Variants in GGACT observed in about 807,000 individuals in gnomAD.
GGACT encodes gamma-glutamylamine cyclotransferase.
For missense variants in GGACT, 241 were observed against 233.2 expected (o/e 1.03, Z -0.22); for synonymous variants, 118 against 115.3 (o/e 1.02, Z -0.15).
At chr13:100,586,822 G>C (rs1875592075) in intron 1 of GGACT, 1 of 152,238 alleles carries the variant, frequency 6.6e-6, no homozygotes, top group Admixed American at 6.5e-5. Context: ...TCCATTTAAG[G>C]GGGTATCACG....
At chr13:100,567,354 T>C (rs1169011177) in intron 2 of GGACT, among the ~76,000 whole-genome samples, 1 of 152,252 alleles carries the variant, frequency 6.6e-6, no homozygotes, top group East Asian at 1.9e-4. Flanking sequence ...TCATTATTTC[T>C]TTTGATGCTT....
intron 2 of GGACT, among the ~76,000 whole-genome samples, chr13:100,540,719 GTC>G (rs2088544824): frequency 6.6e-6 from 1 of 151,972 alleles, no homozygotes; most frequent in Non-Finnish European, 1.5e-5. Flanking sequence ...CTTGTTCCTT[GTC>G]TCTCATGTTC....
chr13:100,573,171 A>G (rs1875137973), intron 2 of GGACT, among the ~76,000 whole-genome samples: 1 of 152,172 alleles, frequency 6.6e-6, no homozygotes, highest in Non-Finnish European at 1.5e-5. Context: ...CCCACAGTCC[A>G]CTGGACTTAG....
At chr13:100,575,534 C>A (rs1260643788) in intron 2 of GGACT, among the ~76,000 whole-genome samples, 1 of 152,156 alleles carries the variant, frequency 6.6e-6, no homozygotes, top group Non-Finnish European at 1.5e-5. Context: ...TTCAGACACA[C>A]TGGAGCAGCC....
At chr13:100,577,351 G>C (rs1875277273) in intron 2 of GGACT, among the ~76,000 whole-genome samples, 1 of 151,798 alleles carries the variant, frequency 6.6e-6, no homozygotes, top group African/African-American at 2.4e-5. Context: ...AAGAGGCAGA[G>C]GTTGCAGTGA....
intron 2 of GGACT, among the ~76,000 whole-genome samples, chr13:100,544,833 T>C (rs1374668971): frequency 6.6e-6 from 1 of 152,238 alleles, no homozygotes; most frequent in Non-Finnish European, 1.5e-5. Context: ...TGCATCCCCA[T>C]GTCTGCTTCA....
Position 100,531,939 on chromosome 13 carries a change from G to A in GGACT, c.*191C>T. Reference sequence around the variant, plus strand: ...CTAAATTTTTCTTACCAGGTAGAAAGATGGGAGGGAAGCACCTTGCTATTC... The same window carrying A: ...CTAAATTTTTCTTACCAGGTAGAAAAATGGGAGGGAAGCACCTTGCTATTC... On this transcript the variant is annotated 3_prime_UTR_variant, in exon 3 of 3. Coordinates refer to ENST00000683975, the MANE Select transcript of GGACT (RefSeq NM_001195087.2). 2.3e-6 allele frequency: 1 copy of A among 430,298 alleles called. No individual in the cohort carries two copies. The highest frequency in any genetic ancestry group is 4.0e-6 in the Non-Finnish European group (1 of 247,178). The allele number at this position is 430,298 out of a possible 1,614,324, so 26.7% of individuals were successfully genotyped here. A position where few individuals can be genotyped will look rare whatever the true frequency, so the allele number is the denominator to read the frequency against.
chr13:100,540,759 A>G (rs1430169428), intron 2 of GGACT, among the ~76,000 whole-genome samples: 1 of 152,192 alleles, frequency 6.6e-6, no homozygotes, highest in African/African-American at 2.4e-5. Flanking sequence ...TGCTGTGAGG[A>G]TCACAACCAA....
chr13:100,569,701 T>G (rs1450594014), intron 2 of GGACT, among the ~76,000 whole-genome samples: 1 of 152,248 alleles, frequency 6.6e-6, no homozygotes, highest in Non-Finnish European at 1.5e-5. Flanking sequence ...CTTGAATTTC[T>G]CCCCAGAAAA....
intron 2 of GGACT, chr13:100,541,696 G>A (rs555805482): frequency 2.6e-5 from 4 of 152,312 alleles, no homozygotes; most frequent in East Asian, 1.9e-4. Context: ...GTGATATTAC[G>A]TAGAAATGAA....
At chr13:100,562,403 C>G (rs562433827) in intron 2 of GGACT, among the ~76,000 whole-genome samples, 18 of 152,320 alleles carry the variant, frequency 1.2e-4, no homozygotes, top group Non-Finnish European at 2.1e-4. Context: ...CACGCAGTAC[C>G]TGTGATTCAC....
chr13:100,566,960 G>C (rs867391344), intron 2 of GGACT, among the ~76,000 whole-genome samples: 1 of 152,196 alleles, frequency 6.6e-6, no homozygotes, highest in Non-Finnish European at 1.5e-5. Context: ...TGGCATTCAC[G>C]ATCCTTTAAA....
chr13:100,567,486 C>G (rs1274235209), intron 2 of GGACT, among the ~76,000 whole-genome samples: 1 of 152,180 alleles, frequency 6.6e-6, no homozygotes, highest in African/African-American at 2.4e-5. Flanking sequence ...CTTAGACTTT[C>G]CCTGTCCCAG....
intron 2 of GGACT, among the ~76,000 whole-genome samples, chr13:100,533,135 G>C (rs2088440197): frequency 6.6e-6 from 1 of 152,202 alleles, no homozygotes; most frequent in African/African-American, 2.4e-5. Context: ...GACTCCCTGA[G>C]GGCACCAGCC....
chr13:100,532,565 GGTGCC>G lies in GGACT; in HGVS notation c.22_26del (p.Gly8ProfsTer71). ...TGTGGTTGGGCTGACCCCGCTTCAG[GGTGCC>G]GTACACGAAGACTAGGGCCATCCGG... On this transcript the variant is annotated frameshift_variant, in exon 3 of 3. Coordinates refer to ENST00000683975, the MANE Select transcript of GGACT (RefSeq NM_001195087.2). LOFTEE classifies it low-confidence loss of function (END_TRUNC). 3.2e-6 allele frequency: 5 copies of G among 1,546,684 alleles called. No homozygotes were observed. The highest frequency in any genetic ancestry group is 4.4e-6 in the Non-Finnish European group (5 of 1,144,582).
At chr13:100,546,030 A>G (rs2088600338) in intron 2 of GGACT, among the ~76,000 whole-genome samples, 3 of 152,202 alleles carry the variant, frequency 2.0e-5, no homozygotes, top group Admixed American at 6.5e-5. Context: ...TGTGCACCTC[A>G]AGAGGTGAAA....
At chr13:100,544,636 C>T (rs537187807) in intron 2 of GGACT, among the ~76,000 whole-genome samples, 9 of 152,368 alleles carry the variant, frequency 5.9e-5, no homozygotes, top group South Asian at 4.1e-4. Context: ...TGAAATCAAA[C>T]GGACACTTGG....
chr13:100,553,673 A>G (rs969338944), intron 2 of GGACT, among the ~76,000 whole-genome samples: 1 of 152,176 alleles, frequency 6.6e-6, no homozygotes, highest in Admixed American at 6.5e-5. Flanking sequence ...GTGAAAGCTC[A>G]TCTCTACTAA....
chr13:100,531,036 T>C lies in GGACT; in HGVS notation c.*1094A>G, dbSNP rs1444185704. The C allele has an allele frequency of 6.6e-6, 1 of 152,254 alleles. No homozygotes were observed. The highest frequency in any genetic ancestry group is 1.9e-4 in the East Asian group (1 of 5,202). 9.4% of individuals were successfully genotyped at this position (152,254 alleles called of 1,614,324 possible). On this transcript the variant is annotated 3_prime_UTR_variant, in exon 3 of 3. Transcript: ENST00000683975. ...TGCCAGATGCAGTTAGCGATCACAG[T>C]CTGCCATTAAGTTGAAGAGTAAGTG...
Sources: allele counts gnomAD v4.1 joint callset (sites outside exome capture counted in the v4.1 genomes callset), GRCh38; gene constraint gnomAD v4.1.1; transcripts MANE v1.5; gene names NCBI Gene and HGNC (gene_info 2026-07-23, HGNC 2026-07-21).